The following RHOU variants were observed in gnomAD, a reference collection of about 807,000 sequenced individuals.
The protein encoded by RHOU is ras homolog family member U.
In RHOU, 8 loss-of-function variants were observed where a neutral mutation model predicts 12.6. The observed-to-expected ratio is 0.64, with a 90% CI of 0.37 to 1.15. RHOU has a LOEUF of 1.15. RHOU is among the 50% of genes most tolerant of loss of function. The pLI, the probability that RHOU is intolerant of heterozygous loss-of-function variation, is 0.01. For missense variants in RHOU, 258 were observed against 347.0 expected (o/e 0.74, Z 2.04); for synonymous variants, 161 against 147.4 (o/e 1.09, Z -0.67).
chr1:228,660,273 T>C, the RHOU span, among the ~76,000 whole-genome samples: 1 of 149,580 alleles, frequency 6.7e-6, no homozygotes, highest in African/African-American at 2.5e-5. Context: ...GACTGAATCA[T>C]GAAGAAATTG....
chr1:228,688,094 G>A, the RHOU span, among the ~76,000 whole-genome samples: 1 of 150,138 alleles, frequency 6.7e-6, no homozygotes, highest in Non-Finnish European at 1.5e-5. Flanking sequence ...TTGTTTGTTT[G>A]TTGTTCACGG....
upstream of RHOU, among the ~76,000 whole-genome samples, chr1:228,730,500 A>C (rs1420324818): frequency 6.6e-6 from 1 of 152,168 alleles, no homozygotes; most frequent in African/African-American, 2.4e-5. Context: ...ATGTTTGACC[A>C]TATGACCCTC....
the RHOU span, among the ~76,000 whole-genome samples, chr1:228,705,567 G>A: frequency 6.6e-6 from 1 of 152,160 alleles, no homozygotes; most frequent in African/African-American, 2.4e-5. Flanking sequence ...AAAAGTCCCT[G>A]CAAATTTCTC....
Position 228,743,323 on chromosome 1 carries a change from C to G in RHOU, c.360C>G (p.Asn120Lys), listed in dbSNP as rs1662761525. The change falls in exon 3 of 3, where the codon AAC becomes AAG. Residue 120 changes from asparagine to lysine, a missense_variant. Physicochemically the swap from Asn to Lys is moderately conservative, Grantham distance 94. Transcript: ENST00000366691. The surrounding 1 kb of genome is among the most constrained non-coding windows in gnomAD (Gnocchi z 5.1). ...FDKLRPLCYT[N>K]TDIFLLCFSV... ...AGCTGAGGCCTCTCTGCTACACCAA[C>G]ACAGACATCTTCCTGCTCTGCTTCA... The G allele has an allele frequency of 6.2e-7, 1 of 1,614,122 alleles. No individual in the cohort carries two copies. Among genetic ancestry groups the G allele is most frequent in the South Asian group, 1.1e-5 (1 of 91,090 alleles).
chr1:228,729,356 C>A, the RHOU span, among the ~76,000 whole-genome samples: 1 of 152,194 alleles, frequency 6.6e-6, no homozygotes, highest in Admixed American at 6.5e-5. Context: ...CAAATTAACT[C>A]ATCCATTTTA....
Position 228,743,650 on chromosome 1 carries a change from G to C in RHOU, c.687G>C (p.Gln229His). Residue 229 changes from glutamine (Q) to histidine (H), a missense_variant, in exon 3 of 3, where the codon CAG becomes CAC. Transcript: ENST00000366691. This position sits in a 1 kb window ranked among gnomAD's most constrained non-coding sequence, Gnocchi z 5.1. ...IVAGIQYSDT[Q>H]QQPKKSKSRT... ...CTGGCATTCAATACTCGGACACTCA[G>C]CAACAGCCAAAGAAGTCTAAAAGCA... is the stretch of plus-strand genomic sequence containing the variant. The C allele has an allele frequency of 1.9e-6, 3 of 1,614,166 alleles. No homozygotes were observed. The highest frequency in any genetic ancestry group is 2.5e-6 in the Non-Finnish European group (3 of 1,180,036).
At chr1:228,680,253 G>A in the RHOU span, among the ~76,000 whole-genome samples, 1 of 152,132 alleles carries the variant, frequency 6.6e-6, no homozygotes, top group South Asian at 2.1e-4. Flanking sequence ...GGAACATTGG[G>A]TTTGGGCTCC....
intron 2 of RHOU, among the ~76,000 whole-genome samples, chr1:228,739,623 A>G (rs936963988): frequency 2.0e-5 from 3 of 152,234 alleles, no homozygotes; most frequent in African/African-American, 7.2e-5. Context: ...GACCTGCTGA[A>G]GTCAGACCCT....
chr1:228,669,705 C>T, the RHOU span, among the ~76,000 whole-genome samples: 5 of 152,170 alleles, frequency 3.3e-5, no homozygotes, highest in African/African-American at 1.2e-4. Context: ...CTTACGGGTA[C>T]TTTTTCTGAA....
intron 1 of RHOU, among the ~76,000 whole-genome samples, chr1:228,736,984 A>G (rs999030221): frequency 2.2e-5 from 3 of 136,580 alleles, no homozygotes; most frequent in Non-Finnish European, 3.1e-5. Flanking sequence ...TTTAGAAACA[A>G]TTAGAAAGTT....
the RHOU span, among the ~76,000 whole-genome samples, chr1:228,667,768 A>G: frequency 6.6e-6 from 1 of 152,246 alleles, no homozygotes; most frequent in Non-Finnish European, 1.5e-5. Context: ...GAGTAGAACT[A>G]GAGTCATACT....
chr1:228,703,903 A>G, the RHOU span, among the ~76,000 whole-genome samples: 2 of 152,298 alleles, frequency 1.3e-5, no homozygotes, highest in South Asian at 4.1e-4. Flanking sequence ...CTCCCATTTC[A>G]TTCCTAAATA....
rs183495588 is a variant in RHOU, at chr1:228,741,389, A to T, written c.322-1896A>T. On this transcript the variant is annotated intron_variant, in intron 2 of 2. Coordinates refer to ENST00000366691, the MANE Select transcript of RHOU (RefSeq NM_021205.6). Reference sequence around the variant, plus strand: ...AGAATCTCAAGAGATCTGGGGAGATAGCTTTCCAAAGCCCCCTCAGAAGTC... The same window carrying T: ...AGAATCTCAAGAGATCTGGGGAGATTGCTTTCCAAAGCCCCCTCAGAAGTC... Among the ~76,000 whole-genome samples the T allele has an allele frequency of 3.6e-3, 545 of 152,256 alleles. 3 individuals are homozygous for T. Among genetic ancestry groups the T allele is most frequent in the Middle Eastern group, 0.027 (8 of 294 alleles).
At chr1:228,692,001 C>G in the RHOU span, among the ~76,000 whole-genome samples, 1 of 152,208 alleles carries the variant, frequency 6.6e-6, no homozygotes, top group African/African-American at 2.4e-5. Context: ...TGAACTTCCT[C>G]TTTGACTGCA....
chr1:228,681,671 G>T, the RHOU span, among the ~76,000 whole-genome samples: 5 of 152,064 alleles, frequency 3.3e-5, no homozygotes, highest in African/African-American at 9.7e-5. Flanking sequence ...AACCATTGTC[G>T]AGTTTGTATT....
chr1:228,706,339 T>G, the RHOU span, among the ~76,000 whole-genome samples: 1 of 152,236 alleles, frequency 6.6e-6, no homozygotes, highest in African/African-American at 2.4e-5. Context: ...GGTTGCCCCC[T>G]GAACCAGAAG....
the RHOU span, among the ~76,000 whole-genome samples, chr1:228,674,024 C>T: frequency 1.3e-5 from 2 of 152,266 alleles, no homozygotes; most frequent in Middle Eastern, 3.4e-3. Flanking sequence ...TTAGTTTTTC[C>T]GCATTCTTGC....
the RHOU span, among the ~76,000 whole-genome samples, chr1:228,681,402 G>T: frequency 6.6e-6 from 1 of 152,220 alleles, no homozygotes; most frequent in African/African-American, 2.4e-5. Context: ...CTGGGGAGGA[G>T]GTGAGGGGTC....
At chr1:228,718,207 G>C in the RHOU span, among the ~76,000 whole-genome samples, 2 of 152,196 alleles carry the variant, frequency 1.3e-5, no homozygotes, top group African/African-American at 4.8e-5. Flanking sequence ...CAGTGAATGG[G>C]CTTAGGAGAA....
Sources: allele counts gnomAD v4.1 joint callset (sites outside exome capture counted in the v4.1 genomes callset), GRCh38; gene constraint gnomAD v4.1.1; non-coding constraint Gnocchi (gnomAD v3.1); transcripts MANE v1.5; gene names NCBI Gene and HGNC (gene_info 2026-07-23, HGNC 2026-07-21).